ZPBP: variants seen among roughly 807,000 people sequenced by gnomAD.
ZPBP encodes zona pellucida-binding protein 1.
ZPBP carries 26 observed loss-of-function variants against 44.8 expected under a neutral mutation model. The observed-to-expected ratio is 0.58, with a 90% CI of 0.43 to 0.81. The LOEUF is 0.81. Among genes scored for constraint, ZPBP ranks in the 30% least tolerant of loss-of-function variants. The pLI is 0.00. For missense variants in ZPBP, 409 were observed against 434.0 expected (o/e 0.94, Z 0.51); for synonymous variants, 174 against 153.2 (o/e 1.14, Z -1.00).
chr7:50,047,084 G>T (rs1362524046), intron 4 of ZPBP, among the ~76,000 whole-genome samples: 1 of 152,092 alleles, frequency 6.6e-6, no homozygotes, highest in Non-Finnish European at 1.5e-5. Context: ...TCATAAAGGG[G>T]AGCTGAACAA....
intron 7 of ZPBP, among the ~76,000 whole-genome samples, chr7:49,956,243 A>C (rs936885441): frequency 6.6e-6 from 1 of 152,034 alleles, no homozygotes; most frequent in African/African-American, 2.4e-5. Context: ...TAAATATCTA[A>C]AAATATTTTG....
At chr7:49,907,105 T>C (rs1227247951) in intron 1 of ZPBP, among the ~76,000 whole-genome samples, 1 of 152,072 alleles carries the variant, frequency 6.6e-6, no homozygotes, top group African/African-American at 2.4e-5. Context: ...GGACATGTTT[T>C]TAGGTGAAAA....
intron 2 of ZPBP, among the ~76,000 whole-genome samples, chr7:49,851,054 G>A (rs1056469824): frequency 6.6e-6 from 1 of 152,214 alleles, no homozygotes; most frequent in African/African-American, 2.4e-5. Context: ...AGGTCCCACA[G>A]AGTCAGTTTC....
chr7:49,905,058 T>A (rs548142138), intron 1 of ZPBP, among the ~76,000 whole-genome samples: 37 of 152,296 alleles, frequency 2.4e-4, no homozygotes, highest in Non-Finnish European at 4.4e-4. Context: ...CTAATTGTTA[T>A]CTGAATAATC....
intron 4 of ZPBP, among the ~76,000 whole-genome samples, chr7:50,036,944 T>C (rs990125895): frequency 6.6e-6 from 1 of 151,698 alleles, no homozygotes. Flanking sequence ...CCATGATACA[T>C]AAAGAAAACA....
chr7:50,090,983 T>C (rs1276157119), intron 1 of ZPBP, among the ~76,000 whole-genome samples: 1 of 152,118 alleles, frequency 6.6e-6, no homozygotes, highest in Non-Finnish European at 1.5e-5. Flanking sequence ...TATTTTTTTT[T>C]TTATTTTTTG....
chr7:50,002,921 T>C (rs1409572956), intron 6 of ZPBP, among the ~76,000 whole-genome samples: 2 of 152,170 alleles, frequency 1.3e-5, no homozygotes, highest in Non-Finnish European at 2.9e-5. Context: ...GATAAAATGA[T>C]TGTTATGTTA....
rs494232 is a variant in ZPBP at position 49,893,453 on chromosome 7, C to T, written n.509+7665G>A. On this transcript the variant is annotated intron_variant and non_coding_transcript_variant, in intron 2 of 2. Transcript: ENST00000465922. ...CATAGAGACAAAATTTGATTTTTTT[C>T]GTGCTTGTTTTAGTCCCTCTTTAAA... 4.1e-3 allele frequency among the ~76,000 whole-genome samples: 619 copies of T among 152,230 alleles called. 2 individuals carry two copies. Among genetic ancestry groups the T allele is most frequent in the African/African-American group, 0.014 (587 of 41,538 alleles).
At chr7:50,090,491 GTA>G (rs1050065581) in intron 1 of ZPBP, among the ~76,000 whole-genome samples, 39 of 130,138 alleles carry the variant, frequency 3.0e-4, no homozygotes, top group African/African-American at 1.0e-3. Flanking sequence ...GTGTGTGTGT[GTA>G]TATGAGTGTA....
intron 1 of ZPBP, among the ~76,000 whole-genome samples, chr7:49,922,914 G>A (rs1659467265): frequency 6.6e-6 from 1 of 152,142 alleles, no homozygotes; most frequent in South Asian, 2.1e-4. Flanking sequence ...GGAAATTTCA[G>A]CAGAGGATTA....
In ZPBP at chr7:50,080,439, T is replaced by G. The variant is rs1221361324; in HGVS notation, c.334+1335A>C. On this transcript the variant is annotated intron_variant, in intron 3 of 7. Coordinates refer to ENST00000046087, the MANE Select transcript of ZPBP (RefSeq NM_007009.3). ...TTATAAGAGTGAGTAAAATAAATAT[T>G]GCTCCTACTTAAAGGATAAATTGAA... Among the ~76,000 whole-genome samples, 3 of 151,676 alleles carry G rather than the reference T, an allele frequency of 2.0e-5. No individual in the cohort carries two copies. The East Asian group carries it at 5.8e-4, about 29-fold the overall frequency.
chr7:49,924,160 C>T (rs1842905), intron 1 of ZPBP, among the ~76,000 whole-genome samples: 111,656 of 147,458 alleles, frequency 0.76, 41,827 homozygotes, highest in East Asian at 0.88. Context: ...ATAATAATAA[C>T]AACGTTATAA....
intron 4 of ZPBP, among the ~76,000 whole-genome samples, chr7:50,047,391 A>G (rs1800426209): frequency 6.6e-6 from 1 of 152,158 alleles, no homozygotes; most frequent in Non-Finnish European, 1.5e-5. Flanking sequence ...GATATATTAA[A>G]GGACAATACC....
chr7:50,007,167 T>G (rs373602151), intron 6 of ZPBP, among the ~76,000 whole-genome samples: 1 of 151,954 alleles, frequency 6.6e-6, no homozygotes, highest in Non-Finnish European at 1.5e-5. Context: ...GCTTGGCATT[T>G]CTAGCCTCCA....
At chr7:49,969,712 T>A (rs570716622) in intron 7 of ZPBP, among the ~76,000 whole-genome samples, 3 of 151,850 alleles carry the variant, frequency 2.0e-5, no homozygotes, top group African/African-American at 7.2e-5. Context: ...CAAACAGCAC[T>A]GTATAAAAAT....
chr7:49,852,310 G>A (rs1312808657), intron 2 of ZPBP, among the ~76,000 whole-genome samples: 6 of 152,190 alleles, frequency 3.9e-5, no homozygotes, highest in Non-Finnish European at 7.3e-5. Context: ...AAGGACCAAG[G>A]ACATGCATGC....
At chr7:49,969,810 T>TAGAGAG (rs879572280) in intron 7 of ZPBP, among the ~76,000 whole-genome samples, 11 of 113,092 alleles carry the variant, frequency 9.7e-5, no homozygotes, top group Admixed American at 9.1e-4. Context: ...AATGTATATA[T>TAGAGAG]ATATATATAG....
At chr7:49,986,771 G>A (rs1400403856) in intron 6 of ZPBP, among the ~76,000 whole-genome samples, 40 of 152,106 alleles carry the variant, frequency 2.6e-4, no homozygotes, top group Admixed American at 2.6e-3. Context: ...TTATGAAAAA[G>A]GATTTGTGAG....
At chr7:49,976,226 T>C (rs143274303) in intron 7 of ZPBP, among the ~76,000 whole-genome samples, 15 of 152,346 alleles carry the variant, frequency 9.8e-5, no homozygotes, top group Admixed American at 9.8e-4. Flanking sequence ...TTTACATTTA[T>C]CTCTATGTTT....
Sources: gnomAD v4.1 joint callset for allele counts (sites outside exome capture counted in the v4.1 genomes callset) on GRCh38, gnomAD v4.1.1 for gene constraint, MANE v1.5 for transcripts, NCBI Gene and HGNC (gene_info 2026-07-23, HGNC 2026-07-21) for gene names.